Variants in CORIN observed in about 807,000 individuals in gnomAD.
The protein encoded by CORIN is atrial natriuretic peptide-converting enzyme.
In CORIN, 117 loss-of-function variants were observed where a neutral mutation model predicts 125.3. That is an observed-to-expected ratio of 0.93 (90% CI 0.80 to 1.09). CORIN has a LOEUF of 1.09. Ranked by LOEUF, CORIN falls within the 50% of genes least tolerant of loss-of-function variation. CORIN has a pLI of 0.00. For missense variants in CORIN, 1,253 were observed against 1,306.7 expected (o/e 0.96, Z 0.63); for synonymous variants, 450 against 466.4 (o/e 0.96, Z 0.45).
In CORIN at chr4:47,622,993, A is replaced by G. The variant is rs992615844; in HGVS notation, c.2540+578T>C. 2.6e-5 allele frequency among the ~76,000 whole-genome samples: 4 copies of G among 151,628 alleles called. No individual in the cohort carries two copies. The East Asian group carries it at 7.8e-4, about 29-fold the overall frequency. On this transcript the variant is annotated intron_variant, in intron 19 of 21. Transcript: ENST00000273857. ...CCCCTCTAATTTTCTCACCTTGTTC[A>G]GCACACAGAAGAGAAATCTTACTTC...
chr4:47,604,494 T>C (rs998962021), intron 19 of CORIN, among the ~76,000 whole-genome samples: 1 of 152,222 alleles, frequency 6.6e-6, no homozygotes, highest in Non-Finnish European at 1.5e-5. Context: ...ACACTCTCAG[T>C]TGGATGTTTC....
intron 5 of CORIN, among the ~76,000 whole-genome samples, chr4:47,719,355 A>C (rs1727244192): frequency 6.6e-6 from 1 of 152,132 alleles, no homozygotes; most frequent in African/African-American, 2.4e-5. Context: ...AATCCCCAGC[A>C]CATAGCAGGC....
At chr4:47,750,594 G>A (rs1004718630) in intron 4 of CORIN, among the ~76,000 whole-genome samples, 4 of 152,138 alleles carry the variant, frequency 2.6e-5, no homozygotes, top group Admixed American at 1.3e-4. Flanking sequence ...GAGACAAGGG[G>A]AAAAAGAATT....
intron 2 of CORIN, among the ~76,000 whole-genome samples, chr4:47,804,024 C>G (rs1731658204): frequency 6.6e-6 from 1 of 152,112 alleles, no homozygotes; most frequent in Admixed American, 6.5e-5. Context: ...ATCGAATAAT[C>G]CCACTTAAAA....
intron 5 of CORIN, among the ~76,000 whole-genome samples, chr4:47,710,401 T>C (rs940706610): frequency 1.3e-5 from 2 of 152,252 alleles, no homozygotes; most frequent in African/African-American, 4.8e-5. Flanking sequence ...CCTTGATAAA[T>C]GCTTTATTGC....
intron 3 of CORIN, among the ~76,000 whole-genome samples, chr4:47,777,448 T>C (rs559668301): frequency 7.2e-5 from 11 of 152,208 alleles, no homozygotes; most frequent in African/African-American, 2.2e-4. Context: ...CTAGCCAATA[T>C]GGTGAAACCC....
intron 5 of CORIN, among the ~76,000 whole-genome samples, chr4:47,716,319 CT>C (rs1213594324): frequency 6.6e-6 from 1 of 152,090 alleles, no homozygotes. Context: ...CACACCTCAG[CT>C]TTGGTTTCAC....
intron 1 of CORIN, among the ~76,000 whole-genome samples, chr4:47,809,566 G>A (rs999618788): frequency 2.6e-5 from 4 of 151,696 alleles, no homozygotes; most frequent in Non-Finnish European, 4.4e-5. Flanking sequence ...CACCACTCCC[G>A]GCTAATTTTT....
chr4:47,833,663 A>G (rs569424217), intron 1 of CORIN, among the ~76,000 whole-genome samples: 26 of 152,226 alleles, frequency 1.7e-4, no homozygotes, highest in Non-Finnish European at 2.9e-4. Flanking sequence ...TATATCTGAT[A>G]AAGGATTAAT....
chr4:47,618,180 C>CA (rs1331701831), intron 19 of CORIN, among the ~76,000 whole-genome samples: 1 of 151,640 alleles, frequency 6.6e-6, no homozygotes, highest in African/African-American at 2.4e-5. Context: ...ACTAAAAATA[C>CA]AAAATTAGCT....
intron 20 of CORIN, among the ~76,000 whole-genome samples, chr4:47,601,059 T>C (rs919407180): frequency 2.0e-5 from 3 of 152,248 alleles, no homozygotes; most frequent in African/African-American, 7.2e-5. Flanking sequence ...TAAACAGTGA[T>C]GGTGAAGCAC....
At chr4:47,803,488 A>C (rs1352693284) in intron 2 of CORIN, among the ~76,000 whole-genome samples, 1 of 152,224 alleles carries the variant, frequency 6.6e-6, no homozygotes, top group Non-Finnish European at 1.5e-5. Context: ...AAACAGCATG[A>C]TACTGGCATA....
chr4:47,723,329 T>C (rs1468134880), intron 5 of CORIN, among the ~76,000 whole-genome samples: 3 of 152,138 alleles, frequency 2.0e-5, no homozygotes, highest in African/African-American at 7.2e-5. Flanking sequence ...CACAGAGCTA[T>C]GTATAAAGTC....
intron 3 of CORIN, among the ~76,000 whole-genome samples, chr4:47,773,808 T>C (rs1730169242): frequency 6.6e-6 from 1 of 151,754 alleles, no homozygotes; most frequent in Non-Finnish European, 1.5e-5. Flanking sequence ...TATAAATGTA[T>C]ACCTAGGTAT....
chr4:47,799,758 C>T (rs1227937204), intron 2 of CORIN, among the ~76,000 whole-genome samples: 2 of 151,892 alleles, frequency 1.3e-5, no homozygotes, highest in Non-Finnish European at 1.5e-5. Context: ...GGTATATACC[C>T]AAGAGAAGTG....
chr4:47,689,147 G>A (rs1725654829), intron 6 of CORIN, among the ~76,000 whole-genome samples: 1 of 152,182 alleles, frequency 6.6e-6, no homozygotes, highest in South Asian at 2.1e-4. Context: ...CTAGTAACAA[G>A]AGGTGCTGGG....
At chr4:47,769,169 C>T (rs1488201318) in intron 3 of CORIN, among the ~76,000 whole-genome samples, 20 of 151,896 alleles carry the variant, frequency 1.3e-4, no homozygotes, top group Admixed American at 1.3e-3. Flanking sequence ...TTGTTTCAAT[C>T]AGAAATGGAG....
chr4:47,599,886 T>C (rs1721385434), intron 21 of CORIN, among the ~76,000 whole-genome samples: 1 of 152,138 alleles, frequency 6.6e-6, no homozygotes, highest in Non-Finnish European at 1.5e-5. Flanking sequence ...TACTACTAGC[T>C]CCTCTTAGAA....
rs1181953473 is a variant in CORIN at position 47,595,720 on chromosome 4, ATTAGT to A, written c.3125_3129del (p.Asn1042IlefsTer13). The A allele has an allele frequency of 1.3e-6, 2 of 1,594,490 alleles. No homozygotes were observed. Among genetic ancestry groups the A allele is most frequent in the Non-Finnish European group, 1.7e-6 (2 of 1,173,610 alleles). On this transcript the variant is annotated frameshift_variant and stop_lost, in exon 22 of 22. Coordinates refer to ENST00000273857, the MANE Select transcript of CORIN (RefSeq NM_006587.4). LOFTEE classifies it high-confidence loss of function. Reference sequence around the variant, plus strand: ...GCAAAAGTCTCTGATCATCCTTATAATTAGTTTAGGAGAAAGGTCTGGATGTAAAT... The same window carrying A: ...GCAAAAGTCTCTGATCATCCTTATAATTAGGAGAAAGGTCTGGATGTAAAT...
Sources: allele counts gnomAD v4.1 joint callset (sites outside exome capture counted in the v4.1 genomes callset), GRCh38; gene constraint gnomAD v4.1.1; transcripts MANE v1.5; gene names NCBI Gene and HGNC (gene_info 2026-07-23, HGNC 2026-07-21).